PAIP2B: variants seen among roughly 807,000 people sequenced by gnomAD.
The protein encoded by PAIP2B is poly(A) binding protein interacting protein 2B, also known as polyadenylate-binding protein-interacting protein 2B.
PAIP2B carries 13 observed loss-of-function variants against 17.0 expected under a neutral mutation model. The observed-to-expected ratio is 0.76, with a 90% CI of 0.50 to 1.22. The LOEUF is 1.22. Ranked by LOEUF, PAIP2B falls within the 50% of genes most tolerant of loss-of-function variation. The probability of loss-of-function intolerance (pLI) is 0.00; values close to 1 mark genes in which losing one functional copy is unlikely to be tolerated. For missense variants in PAIP2B, 117 were observed against 144.5 expected (o/e 0.81, Z 0.98); for synonymous variants, 43 against 48.7 (o/e 0.88, Z 0.48).
intron 1 of PAIP2B, among the ~76,000 whole-genome samples, chr2:71,219,009 G>C (rs763577048): frequency 3.0e-4 from 44 of 149,014 alleles, no homozygotes; most frequent in Non-Finnish European, 6.1e-4. Flanking sequence ...TCCGCCTCCT[G>C]GGTTCACACC....
rs1166639395 is a variant in PAIP2B, at chr2:71,185,405, A to T, written c.*3074T>A. The T allele has an allele frequency of 2.0e-5, 3 of 151,798 alleles. No individual in the cohort carries two copies. Among genetic ancestry groups the T allele is most frequent in the Non-Finnish European group, 4.4e-5 (3 of 67,962 alleles). The allele number at this position is 151,798 out of a possible 1,614,324, so 9.4% of individuals were successfully genotyped here. A position where few individuals can be genotyped will look rare whatever the true frequency, so the allele number is the denominator to read the frequency against. The stretch of plus-strand genomic sequence containing the variant: ...AGATCCAGTCTCTACAAAAAATAAA[A>T]ATAATAAAAATAATTAGCTGGCCGT... On this transcript the variant is annotated 3_prime_UTR_variant, in exon 4 of 4. Coordinates refer to ENST00000244221, the MANE Select transcript of PAIP2B (RefSeq NM_020459.1).
At chr2:71,211,454 T>A (rs887325500) in intron 1 of PAIP2B, among the ~76,000 whole-genome samples, 1 of 152,134 alleles carries the variant, frequency 6.6e-6, no homozygotes, top group African/African-American at 2.4e-5. Context: ...GTAATTCCGA[T>A]ATATAGAAAG....
At position 71,190,038 on chromosome 2, in the gene PAIP2B, A is replaced by T. The variant is rs770826725; in HGVS notation, c.139-17T>A. ...CTCCTCCACCTAGCAAGCAAAGGGG[A>T]GCAGCTCAGACTTACTGTCACAGCA... On this transcript the variant is annotated splice_polypyrimidine_tract_variant and intron_variant, in intron 2 of 3. Coordinates refer to ENST00000244221, the MANE Select transcript of PAIP2B (RefSeq NM_020459.1). The T allele has an allele frequency of 1.7e-5, 27 of 1,603,042 alleles. No homozygotes were observed. The highest frequency in any genetic ancestry group is 2.2e-5 in the Non-Finnish European group (26 of 1,175,008).
chr2:71,211,731 G>A (rs182315241), intron 1 of PAIP2B, among the ~76,000 whole-genome samples: 3 of 151,888 alleles, frequency 2.0e-5, no homozygotes, highest in Non-Finnish European at 2.9e-5. Context: ...TTTTAACCTA[G>A]TAACTATTAA....
At chr2:71,209,928 G>T (rs575766663) in intron 1 of PAIP2B, among the ~76,000 whole-genome samples, 234 of 151,918 alleles carry the variant, frequency 1.5e-3, no homozygotes, top group Admixed American at 6.2e-3. Context: ...GGGTTCAAGC[G>T]ATTCTCCTGC....
chr2:71,218,442 T>G (rs1356919049), intron 1 of PAIP2B, among the ~76,000 whole-genome samples: 4 of 151,976 alleles, frequency 2.6e-5, no homozygotes, highest in East Asian at 3.9e-4. Flanking sequence ...CACTAGAAAT[T>G]AAAGAAAATG....
chr2:71,209,906 C>T (rs766356816), intron 1 of PAIP2B, among the ~76,000 whole-genome samples: 1 of 151,982 alleles, frequency 6.6e-6, no homozygotes, highest in Non-Finnish European at 1.5e-5. Context: ...CTCACTGCAA[C>T]CTCCACCTCC....
rs564406674 is a variant in PAIP2B, at chr2:71,188,556, T to C, written c.316-21A>G. 1.0e-4 allele frequency: 161 copies of C among 1,588,634 alleles called. No homozygotes were observed. In the South Asian group the frequency reaches 1.4e-3, roughly 14 times the overall value. ...TTGCTCTGAAATAAGAACCAAGAGA[T>C]AGTAAATCCTAAGGCAAGCTGCATT... On this transcript the variant is annotated intron_variant, in intron 3 of 3. Transcript: ENST00000244221.
chr2:71,220,742 C>T (rs1277963066), intron 1 of PAIP2B, among the ~76,000 whole-genome samples: 1 of 152,248 alleles, frequency 6.6e-6, no homozygotes, highest in Non-Finnish European at 1.5e-5. Context: ...CCACCTCTGC[C>T]TCCCAAAGTG....
chr2:71,202,608 G>A lies in PAIP2B; in HGVS notation c.-11-8C>T. On this transcript the variant is annotated splice_region_variant and splice_polypyrimidine_tract_variant and intron_variant, in intron 1 of 3. Coordinates refer to ENST00000244221, the MANE Select transcript of PAIP2B (RefSeq NM_020459.1). ...CATTCATTATGATGGAACCTAAAGA[G>A]AAGCAAAAGAAAAGATAAAATGAAT... 6.3e-7 allele frequency: 1 copy of A among 1,597,144 alleles called. No homozygotes were observed. Among genetic ancestry groups the A allele is most frequent in the South Asian group, 1.1e-5 (1 of 89,300 alleles).
Position 71,222,811 on chromosome 2 carries a change from T to C in PAIP2B, c.-12+4117A>G, listed in dbSNP as rs1675624060. Among the ~76,000 whole-genome samples the C allele has an allele frequency of 2.6e-5, 4 of 152,166 alleles. No individual in the cohort carries two copies. The South Asian group carries it at 8.3e-4, about 31-fold the overall frequency. The stretch of plus-strand genomic sequence containing the variant: ...CCAGGTCAGCATGATTCTTCTATAA[T>C]ATCCTGCCACTTACATGGGCAAGTG... On this transcript the variant is annotated intron_variant, in intron 1 of 3. Transcript: ENST00000244221.
intron 1 of PAIP2B, among the ~76,000 whole-genome samples, chr2:71,219,072 C>A (rs369921017): frequency 6.8e-6 from 1 of 146,902 alleles, no homozygotes; most frequent in African/African-American, 2.5e-5. Flanking sequence ...CCCGCCACCA[C>A]GCCTAGCTAA....
chr2:71,207,937 T>C (rs1298493422), intron 1 of PAIP2B, among the ~76,000 whole-genome samples: 1 of 152,132 alleles, frequency 6.6e-6, no homozygotes, highest in African/African-American at 2.4e-5. Flanking sequence ...AACACTGAAA[T>C]GGTGATGTTA....
At chr2:71,208,216 G>A (rs778247701) in intron 1 of PAIP2B, among the ~76,000 whole-genome samples, 1 of 152,100 alleles carries the variant, frequency 6.6e-6, no homozygotes, top group African/African-American at 2.4e-5. Context: ...TTGAGGTCAG[G>A]AGTTCGAGAC....
chr2:71,223,746 T>G (rs1675651583), intron 1 of PAIP2B, among the ~76,000 whole-genome samples: 1 of 152,168 alleles, frequency 6.6e-6, no homozygotes, highest in African/African-American at 2.4e-5. Flanking sequence ...CGAGTCTGAC[T>G]TATGGTAAGT....
In PAIP2B at chr2:71,201,007, G is replaced by GT. The variant is rs770497391; in HGVS notation, c.138+1444_138+1445insA. 4.7e-3 allele frequency among the ~76,000 whole-genome samples: 111 copies of GT among 23,376 alleles called. 1 individual carries two copies. The highest frequency in any genetic ancestry group is 5.7e-3 in the Admixed American group (9 of 1,590). 15.3% of individuals were successfully genotyped at this position (23,376 alleles called of 152,430 possible). On this transcript the variant is annotated intron_variant, in intron 2 of 3. Coordinates refer to ENST00000244221, the MANE Select transcript of PAIP2B (RefSeq NM_020459.1). The stretch of plus-strand genomic sequence containing the variant: ...CTTTCCTCAATCTCTTTGTGTGTGT[G>GT]GGTGTGTGTGTGTGTGTGTGTGTGT...
In PAIP2B at chr2:71,186,572, A is replaced by G. The variant is rs1000651550; in HGVS notation, c.*1907T>C. On this transcript the variant is annotated 3_prime_UTR_variant, in exon 4 of 4. Transcript: ENST00000244221. ...GAGCTTGGACAGGCTCACGAGGATG[A>G]AGGAGGAAAAGCAGTCCCAGAAGGG... 5 of 152,232 alleles carry G rather than the reference A, an allele frequency of 3.3e-5. No individual in the cohort carries two copies. The highest frequency in any genetic ancestry group is 2.6e-4 in the Admixed American group (4 of 15,288). 9.4% of individuals were successfully genotyped at this position (152,232 alleles called of 1,614,324 possible). A position where few individuals can be genotyped will look rare whatever the true frequency, so the allele number is the denominator to read the frequency against.
At chr2:71,194,914 T>C (rs1674779321) in intron 2 of PAIP2B, among the ~76,000 whole-genome samples, 1 of 152,194 alleles carries the variant, frequency 6.6e-6, no homozygotes, top group African/African-American at 2.4e-5. Flanking sequence ...CAATACCTAG[T>C]TTATTGAGAG....
At chr2:71,193,256 T>C (rs943185253) in intron 2 of PAIP2B, among the ~76,000 whole-genome samples, 1 of 152,232 alleles carries the variant, frequency 6.6e-6, no homozygotes, top group Non-Finnish European at 1.5e-5. Context: ...GAGAGGTGTC[T>C]GTTCATGTCC....
Sources: gnomAD v4.1 joint callset for allele counts (sites outside exome capture counted in the v4.1 genomes callset) on GRCh38, gnomAD v4.1.1 for gene constraint, MANE v1.5 for transcripts, NCBI Gene and HGNC (gene_info 2026-07-23, HGNC 2026-07-21) for gene names.